PANK4: variants seen among roughly 807,000 people sequenced by gnomAD.
The protein encoded by PANK4 is pantothenate kinase 4 (inactive), also known as 4'-phosphopantetheine phosphatase.
PANK4 carries 40 observed loss-of-function variants against 87.9 expected under a neutral mutation model. The ratio of observed to expected loss-of-function variants is 0.46; its 90% CI spans 0.35 to 0.59. The LOEUF (loss-of-function observed/expected upper bound fraction) is 0.59, where lower values mean the gene tolerates loss of function less well. PANK4 is among the 20% of genes least tolerant of loss of function. The probability of loss-of-function intolerance (pLI) is 0.00; values close to 1 mark genes in which losing one functional copy is unlikely to be tolerated. For missense variants in PANK4, 926 were observed against 1,072.3 expected (o/e 0.86, Z 1.90); for synonymous variants, 524 against 467.4 (o/e 1.12, Z -1.56).
chr1:2,521,023 C>T, intron 3 of PANK4, 78 bp downstream of exon 3: 1 of 1,532,972 alleles, frequency 6.5e-7, no homozygotes, highest in African/African-American at 1.4e-5. Context: ...ACACGAGCGC[C>T]AGGGACGCGG....
intron 1 of PANK4, chr1:2,525,464 G>A (rs1036672301): frequency 1.3e-5 from 2 of 152,146 alleles, no homozygotes; most frequent in African/African-American, 2.4e-5. Flanking sequence ...CTATTCAAGG[G>A]GGGTTTCTCC....
At chr1:2,521,456 G>A (rs1055316020) in intron 2 of PANK4, 141 bp from the exon 3 acceptor site, 2 of 787,922 alleles carry the variant, frequency 2.5e-6, no homozygotes, top group Admixed American at 3.9e-5. Flanking sequence ...TGGGCAAGAG[G>A]GAGGAGCCTA....
chr1:2,518,196 G>A lies in PANK4; in HGVS notation c.1186C>T (p.Leu396Phe). ...CTCCGCGCCCGCTGCGCCGGGCCGA[G>A]CTCGGGTGATGCACTCATCAGCCCG... Reference protein sequence around the residue: ...SSGLMSASPELGPAQRARSGT... With the variant: ...SSGLMSASPEFGPAQRARSGT... The change falls in exon 9 of 19, where the codon CTC becomes TTC. Residue 396 changes from leucine to phenylalanine, a missense_variant. Coordinates refer to ENST00000378466, the MANE Select transcript of PANK4 (RefSeq NM_018216.4). The A allele has an allele frequency of 6.2e-7, 1 of 1,610,340 alleles. No individual in the cohort carries two copies. Among genetic ancestry groups the A allele is most frequent in the Non-Finnish European group, 8.5e-7 (1 of 1,179,486 alleles).
At chr1:2,521,992 TTC>T in intron 1 of PANK4, 192 bp from the exon 2 acceptor site, 1 of 592,206 alleles carries the variant, frequency 1.7e-6, no homozygotes, top group Non-Finnish European at 3.0e-6. Flanking sequence ...ATCTACACTT[TTC>T]TTTCTCAAAT....
Position 2,520,595 on chromosome 1 carries a change from A to G in PANK4, c.606+128T>C. On this transcript the variant is annotated intron_variant, in intron 4 of 18. Transcript: ENST00000378466. This position sits in a 1 kb window ranked among gnomAD's most constrained non-coding sequence, Gnocchi z 6.2. ...CCTCCCACAGAGGCTCTGAGCTCAC[A>G]GCCTCGCCACCCCCCTCCCGCCCAC... 9.3e-7 allele frequency: 1 copy of G among 1,075,976 alleles called. No individual in the cohort carries two copies. Among genetic ancestry groups the G allele is most frequent in the Admixed American group, 2.0e-5 (1 of 49,868 alleles). 66.7% of individuals were successfully genotyped at this position (1,075,976 alleles called of 1,614,324 possible).
intron 10 of PANK4, among the ~76,000 whole-genome samples, chr1:2,514,750 G>C (rs1215541558): frequency 6.6e-6 from 1 of 151,982 alleles, no homozygotes; most frequent in East Asian, 1.9e-4. Context: ...GGTCAGGGCA[G>C]TTTCTACTGG....
intron 2 of PANK4, 101 bp downstream of exon 2, chr1:2,521,617 C>T (rs777995153): frequency 1.1e-5 from 11 of 958,392 alleles, no homozygotes; most frequent in Non-Finnish European, 1.9e-5. Context: ...ACACTAAAGT[C>T]GAGGTCTGCA....
intron 2 of PANK4, 110 bp from the exon 3 acceptor site, chr1:2,521,425 C>A: frequency 2.1e-6 from 2 of 938,926 alleles, no homozygotes; most frequent in East Asian, 2.4e-5. Context: ...TTCAACCAGG[C>A]GGCGCTCTGA....
At position 2,510,659 on chromosome 1, in the gene PANK4, C is replaced by G. The variant is rs199972647; in HGVS notation, c.1938+19G>C. On this transcript the variant is annotated intron_variant, in intron 16 of 18. Transcript: ENST00000378466. The surrounding 1 kb of genome is among the most constrained non-coding windows in gnomAD (Gnocchi z 4.9). ...GAGAAGCCCAGGGGAAGGGCCCCAC[C>G]CACCACCTCAACACTCACCTCTGTC... 3.3e-5 allele frequency: 48 copies of G among 1,445,404 alleles called. No homozygotes were observed. In the East Asian group the frequency reaches 1.0e-3, roughly 30 times the overall value. The allele number at this position is 1,445,404 out of a possible 1,614,324, so 89.5% of individuals were successfully genotyped here.
intron 2 of PANK4, 91 bp from the exon 3 acceptor site, chr1:2,521,406 G>A (rs567854274): frequency 4.2e-5 from 44 of 1,059,852 alleles, no homozygotes; most frequent in African/African-American, 7.8e-5. Flanking sequence ...CTGGCTGTTC[G>A]CGCCAGCCTT....
chr1:2,521,987 C>T (rs1433740970), intron 1 of PANK4, 187 bp from the exon 2 acceptor site: 1 of 598,132 alleles, frequency 1.7e-6, no homozygotes, highest in Non-Finnish European at 3.0e-6. Context: ...ATCAAATCTA[C>T]ACTTTTCTTT....
rs943643212 is a variant in PANK4 at position 2,513,965 on chromosome 1, C to T, written c.1575+37G>A. The T allele has an allele frequency of 1.8e-5, 26 of 1,458,612 alleles. 1 individual carries two copies. The highest frequency in any genetic ancestry group is 2.5e-5 in the Non-Finnish European group (26 of 1,039,448). The allele number at this position is 1,458,612 out of a possible 1,614,324, so 90.4% of individuals were successfully genotyped here. A position where few individuals can be genotyped will look rare whatever the true frequency, so the allele number is the denominator to read the frequency against. On this transcript the variant is annotated intron_variant, in intron 12 of 18. Transcript: ENST00000378466. ...ACACGCGGTGCCAGCGGGACGGGGACAAGAGCGAGCGGAAGGCCAGGGCAC... is the reference window on the plus strand; with the variant it reads ...ACACGCGGTGCCAGCGGGACGGGGATAAGAGCGAGCGGAAGGCCAGGGCAC...
chr1:2,518,926 T>C (rs1301170041), intron 7 of PANK4, among the ~76,000 whole-genome samples: 1 of 152,220 alleles, frequency 6.6e-6, no homozygotes, highest in African/African-American at 2.4e-5. Context: ...TGGAGCTCTC[T>C]AGAATGCTCA....
intron 9 of PANK4, among the ~76,000 whole-genome samples, chr1:2,516,099 A>C (rs1331948639): frequency 6.6e-6 from 1 of 150,952 alleles, no homozygotes. Flanking sequence ...TGTCACCCCT[A>C]CAGTTTCACC....
intron 12 of PANK4, 100 bp downstream of exon 12, chr1:2,513,902 C>T: frequency 1.1e-6 from 1 of 881,460 alleles, no homozygotes. Flanking sequence ...TGGCCTCAGA[C>T]AGGACAGGAT....
At chr1:2,513,696 G>T (rs1380867791) in intron 12 of PANK4, among the ~76,000 whole-genome samples, 1 of 152,232 alleles carries the variant, frequency 6.6e-6, no homozygotes, top group Non-Finnish European at 1.5e-5. Flanking sequence ...CTTGGCTCCT[G>T]CAGGCAGGCA....
rs1233733202 is a variant in PANK4 at position 2,511,335 on chromosome 1, T to A, written c.1833+3A>T. 1.2e-6 allele frequency: 2 copies of A among 1,605,288 alleles called. No homozygotes were observed. The highest frequency in any genetic ancestry group is 2.7e-5 in the African/African-American group (2 of 74,724). Reference sequence around the variant, plus strand: ...AGCAGAGGTGGGAGGCCCCTCCACATACCTTTAATCTCTGAAGCCACTCGC... The same window carrying A: ...AGCAGAGGTGGGAGGCCCCTCCACAAACCTTTAATCTCTGAAGCCACTCGC... On this transcript the variant is annotated splice_donor_region_variant and intron_variant, in intron 15 of 18. Coordinates refer to ENST00000378466, the MANE Select transcript of PANK4 (RefSeq NM_018216.4).
chr1:2,516,060 A>G (rs1643768236), intron 9 of PANK4: 2 of 340,294 alleles, frequency 5.9e-6, no homozygotes, highest in East Asian at 1.3e-4. Context: ...TCCCTCCCCC[A>G]TCACCACCTC....
chr1:2,509,992 C>T lies in PANK4; in HGVS notation c.2040-62G>A. On this transcript the variant is annotated intron_variant, in intron 17 of 18. Transcript: ENST00000378466. The surrounding 1 kb of genome is among the most constrained non-coding windows in gnomAD (Gnocchi z 4.9). ...CCCAGTTCAGTGACAATCCCCATGG[C>T]CCACTCTGCCCAGCTGGTGCCCCTC... 2.5e-6 allele frequency: 4 copies of T among 1,575,106 alleles called. No individual in the cohort carries two copies. Among genetic ancestry groups the T allele is most frequent in the Non-Finnish European group, 3.5e-6 (4 of 1,153,236 alleles).
Sources: gnomAD v4.1 joint callset for allele counts (sites outside exome capture counted in the v4.1 genomes callset) on GRCh38, gnomAD v4.1.1 for gene constraint, Gnocchi (gnomAD v3.1) non-coding constraint, MANE v1.5 for transcripts, NCBI Gene and HGNC (gene_info 2026-07-23, HGNC 2026-07-21) for gene names.